JAK1: variants seen among roughly 807,000 people sequenced by gnomAD.
JAK1 encodes the protein Janus kinase 1.
Under a neutral mutation model 136.6 loss-of-function variants are expected in JAK1, and 16 were observed. That is an observed-to-expected ratio of 0.12 (90% CI 0.08 to 0.18). The LOEUF is 0.18. JAK1 is among the 10% of genes least tolerant of loss of function. The pLI, the probability that JAK1 is intolerant of heterozygous loss-of-function variation, is 1.00. For missense variants in JAK1, 859 were observed against 1,450.1 expected (o/e 0.59, Z 6.62); for synonymous variants, 492 against 519.5 (o/e 0.95, Z 0.72).
chr1:64,906,615 G>A (rs918620462), intron 1 of JAK1, among the ~76,000 whole-genome samples: 6 of 152,156 alleles, frequency 3.9e-5, no homozygotes, highest in Non-Finnish European at 4.4e-5. Flanking sequence ...CTGCTACTAC[G>A]CCATTCTCAG....
intron 2 of JAK1, among the ~76,000 whole-genome samples, chr1:64,980,780 G>A (rs971164237): frequency 4.6e-5 from 7 of 151,768 alleles, no homozygotes; most frequent in Admixed American, 3.3e-4. Context: ...GTGTCCGAGA[G>A]TTCTCATTGT....
intron 19 of JAK1, 120 bp from the exon 20 acceptor site, chr1:64,839,915 T>A (rs1654781832): frequency 5.1e-6 from 4 of 777,862 alleles, no homozygotes; most frequent in Non-Finnish European, 4.0e-6. Context: ...CTGTCTGGCC[T>A]TGCAGGCAGA....
At chr1:64,928,786 A>AAC (rs1553169991) in intron 1 of JAK1, among the ~76,000 whole-genome samples, 1 of 117,912 alleles carries the variant, frequency 8.5e-6, no homozygotes, top group African/African-American at 3.7e-5. Context: ...TGCAAAAAAA[A>AAC]AAAAAAAAAA....
chr1:64,916,746 G>A (rs1239454374), intron 1 of JAK1, among the ~76,000 whole-genome samples: 7 of 151,812 alleles, frequency 4.6e-5, no homozygotes, highest in Non-Finnish European at 8.8e-5. Flanking sequence ...GCTGAGGTGG[G>A]AGAATCGCTT....
At position 64,867,155 on chromosome 1, in the gene JAK1, A is replaced by T; in HGVS notation, c.701T>A (p.Leu234His). ...TLNKSIRQRN[L>H]LTRMRINNVF... ...ATTATTTATCCGCATCCTGGTGAGA[A>T]GGTTCCTCTGTCTGATGGACTTATT... The change falls in exon 7 of 25, where the codon CTT (leucine) becomes CAT (histidine). Residue 234 changes from leucine to histidine, a missense_variant. This residue lies in a region of JAK1 where 353 missense variants were observed against 494.0 expected (regional missense o/e 0.71). Coordinates refer to ENST00000342505, the MANE Select transcript of JAK1 (RefSeq NM_002227.4). 6.2e-7 allele frequency: 1 copy of T among 1,611,388 alleles called. No homozygotes were observed. The highest frequency in any genetic ancestry group is 8.5e-7 in the Non-Finnish European group (1 of 1,177,886).
At chr1:64,882,727 C>A (rs1644792921) in intron 3 of JAK1, among the ~76,000 whole-genome samples, 1 of 152,178 alleles carries the variant, frequency 6.6e-6, no homozygotes, top group Middle Eastern at 3.2e-3. Context: ...TGTTGAGAGC[C>A]TCGTCCTTTT....
chr1:64,833,806 G>C lies in JAK1; in HGVS notation c.*756C>G, dbSNP rs532015306. 4.3e-6 allele frequency: 1 copy of C among 232,928 alleles called. No homozygotes were observed. The highest frequency in any genetic ancestry group is 2.2e-5 in the African/African-American group (1 of 45,428). The allele number at this position is 232,928 out of a possible 1,614,324, so 14.4% of individuals were successfully genotyped here. On this transcript the variant is annotated 3_prime_UTR_variant, in exon 25 of 25. Coordinates refer to ENST00000342505, the MANE Select transcript of JAK1 (RefSeq NM_002227.4). Reference sequence around the variant, plus strand: ...CATGTGTAATAGCATCCAGGTTCTGGGAATGAGTTCTGATTAAAGGTATAC... The same window carrying C: ...CATGTGTAATAGCATCCAGGTTCTGCGAATGAGTTCTGATTAAAGGTATAC...
intron 4 of JAK1, chr1:64,876,040 A>C (rs957495782): frequency 7.2e-5 from 11 of 152,352 alleles, no homozygotes; most frequent in African/African-American, 2.7e-4. Flanking sequence ...TAAGAGAATG[A>C]GAAGTAGGTA....
At position 64,871,077 on chromosome 1, in the gene JAK1, C is replaced by G. The variant is rs1388989864; in HGVS notation, c.484-1603G>C. Among the ~76,000 whole-genome samples the G allele has an allele frequency of 2.0e-5, 3 of 152,196 alleles. No individual in the cohort carries two copies. In the South Asian group the frequency reaches 6.2e-4, roughly 32 times the overall value. On this transcript the variant is annotated intron_variant, in intron 5 of 24. Coordinates refer to ENST00000342505, the MANE Select transcript of JAK1 (RefSeq NM_002227.4). The stretch of plus-strand genomic sequence containing the variant: ...AAAGAATAAATCTCAGCTATGGATA[C>G]ACAAAACTGGGAAGCTGAATCCAAA...
chr1:64,915,631 A>G (rs1401591904), intron 1 of JAK1, among the ~76,000 whole-genome samples: 1 of 152,218 alleles, frequency 6.6e-6, no homozygotes, highest in Non-Finnish European at 1.5e-5. Context: ...AGCCAGTCAC[A>G]TGTGGCTACC....
intron 8 of JAK1, among the ~76,000 whole-genome samples, chr1:64,862,803 A>C (rs1656432565): frequency 6.6e-6 from 1 of 152,252 alleles, no homozygotes; most frequent in Admixed American, 6.5e-5. Context: ...GGCAAAATGC[A>C]CAGGCAGGAA....
Position 64,833,626 on chromosome 1 carries a change from C to CTT in JAK1, c.*934_*935dup, listed in dbSNP as rs919758947. On this transcript the variant is annotated 3_prime_UTR_variant, in exon 25 of 25. Transcript: ENST00000342505. ...TTGATGGTAAAAACAGGGATCAACC[C>CTT]TTGTAGATCGGTGGTAAGTATGGAA... The CTT allele has an allele frequency of 1.7e-5, 4 of 232,908 alleles. No homozygotes were observed. The highest frequency in any genetic ancestry group is 8.8e-5 in the African/African-American group (4 of 45,318). 14.4% of individuals were successfully genotyped at this position (232,908 alleles called of 1,614,324 possible). A position where few individuals can be genotyped will look rare whatever the true frequency, so the allele number is the denominator to read the frequency against.
intron 1 of JAK1, among the ~76,000 whole-genome samples, chr1:64,944,035 A>G (rs1179194677): frequency 1.3e-5 from 2 of 151,946 alleles, no homozygotes; most frequent in Non-Finnish European, 2.9e-5. Flanking sequence ...ATGCTGGCTA[A>G]CACAGTGAAA....
chr1:64,904,008 G>A (rs780955110), intron 1 of JAK1, among the ~76,000 whole-genome samples: 1 of 152,178 alleles, frequency 6.6e-6, no homozygotes, highest in African/African-American at 2.4e-5. Context: ...GACATAGCTA[G>A]TTCAGTGCTC....
intron 1 of JAK1, among the ~76,000 whole-genome samples, chr1:65,064,485 GTGA>G (rs1557783106): frequency 6.6e-6 from 1 of 152,150 alleles, no homozygotes; most frequent in African/African-American, 2.4e-5. Context: ...CAACACTTCA[GTGA>G]TTATCGTTTA....
intron 1 of JAK1, among the ~76,000 whole-genome samples, chr1:64,947,585 C>A (rs1229245323): frequency 1.3e-5 from 2 of 151,694 alleles, no homozygotes; most frequent in Non-Finnish European, 2.9e-5. Context: ...AACCATGGGT[C>A]CTCCCCCAAC....
intron 2 of JAK1, among the ~76,000 whole-genome samples, chr1:65,000,079 C>A (rs1310775314): frequency 3.3e-5 from 5 of 151,244 alleles, no homozygotes; most frequent in Non-Finnish European, 5.9e-5. Context: ...CAACCTCTGA[C>A]TCCCTGGTTC....
chr1:64,865,010 T>G (rs1481847584), intron 7 of JAK1, 38 bp from the exon 8 acceptor site: 1 of 1,520,152 alleles, frequency 6.6e-7, no homozygotes, highest in East Asian at 2.3e-5. Flanking sequence ...TTAAGTTGCT[T>G]TCTTCATTTT....
At chr1:64,921,429 T>C (rs368194885) in intron 1 of JAK1, among the ~76,000 whole-genome samples, 44 of 152,300 alleles carry the variant, frequency 2.9e-4, no homozygotes, top group African/African-American at 1.0e-3. Context: ...TACAGACATT[T>C]AGACAGCCCT....
Sources: gnomAD v4.1 joint callset for allele counts (sites outside exome capture counted in the v4.1 genomes callset) on GRCh38, gnomAD v4.1.1 for gene constraint, gnomAD v4.1.1 regional missense constraint, MANE v1.5 for transcripts, NCBI Gene and HGNC (gene_info 2026-07-23, HGNC 2026-07-21) for gene names.